Variants in SYT14 observed in about 807,000 individuals in gnomAD.
SYT14 encodes synaptotagmin-14.
Under a neutral mutation model 74.2 loss-of-function variants are expected in SYT14, and 32 were observed. That is an observed-to-expected ratio of 0.43 (90% CI 0.33 to 0.58). SYT14 has a LOEUF of 0.58. Among genes scored for constraint, SYT14 ranks in the 20% least tolerant of loss-of-function variants. SYT14 has a pLI of 0.05. For missense variants in SYT14, 791 were observed against 981.8 expected, an observed-to-expected ratio of 0.81 and a Z score of 2.60; for synonymous variants, 298 against 337.7, an observed-to-expected ratio of 0.88 and a Z score of 1.29.
At chr1:210,033,585 T>C (rs2102999774) in intron 5 of SYT14, among the ~76,000 whole-genome samples, 1 of 151,842 alleles carries the variant, frequency 6.6e-6, no homozygotes, top group Non-Finnish European at 1.5e-5. Context: ...AGGGTAAAGA[T>C]TTTCCTAGAA....
chr1:210,093,245 TTTATC>T (rs1169307058), intron 5 of SYT14, among the ~76,000 whole-genome samples: 1 of 152,186 alleles, frequency 6.6e-6, no homozygotes, highest in Non-Finnish European at 1.5e-5. Flanking sequence ...TATGTAACTT[TTTATC>T]TTAGGAAGAA....
chr1:210,077,982 AAAC>A (rs2081536744), intron 5 of SYT14, among the ~76,000 whole-genome samples: 1 of 152,162 alleles, frequency 6.6e-6, no homozygotes, highest in South Asian at 2.1e-4. Flanking sequence ...TTGATGTTGG[AAAC>A]AACATTATAG....
At chr1:210,043,948 T>C (rs2080840747) in intron 5 of SYT14, among the ~76,000 whole-genome samples, 1 of 152,330 alleles carries the variant, frequency 6.6e-6, no homozygotes, top group South Asian at 2.1e-4. Context: ...ATTTCTGTAA[T>C]ATGGGCATGG....
intron 1 of SYT14, among the ~76,000 whole-genome samples, chr1:209,946,107 ATGT>A (rs1476381806): frequency 2.6e-5 from 4 of 152,310 alleles, no homozygotes; most frequent in Middle Eastern, 3.4e-3. Flanking sequence ...TAGTTGATAA[ATGT>A]TGTGTGTGTT....
At chr1:210,163,471 C>G (rs150180335) in exon 10 of SYT14, 8 of 453,666 alleles carry the variant, frequency 1.8e-5, no homozygotes, top group African/African-American at 1.6e-4. Flanking sequence ...CACACATGCA[C>G]CATTACACAT....
chr1:209,939,236 G>A lies in SYT14; in HGVS notation c.-534+959G>A, dbSNP rs373588760. ...TCTTAGATTAACTCAAACAGTGAAA[G>A]TAATTTGTAAATTTTCCCTGTGTGT... On this transcript the variant is annotated intron_variant, in intron 1 of 9. Transcript: ENST00000637265. 9.8e-5 allele frequency among the ~76,000 whole-genome samples: 15 copies of A among 152,322 alleles called. No individual in the cohort carries two copies. In the East Asian group the frequency reaches 2.7e-3, roughly 27 times the overall value.
At chr1:209,970,662 C>CTTTTTTTTTTTTTTTTTTTTTTT (rs35639848) in intron 2 of SYT14, among the ~76,000 whole-genome samples, 1 of 62,810 alleles carries the variant, frequency 1.6e-5, no homozygotes, top group Middle Eastern at 0.011. Flanking sequence ...GGCAGTATGG[C>CTTTTTTTTTTTTTTTTTTTTTTT]TTTTTTTTTT....
intron 5 of SYT14, among the ~76,000 whole-genome samples, chr1:210,031,718 T>C (rs1027567202): frequency 6.6e-6 from 1 of 152,154 alleles, no homozygotes; most frequent in African/African-American, 2.4e-5. Context: ...TCCTTTGTTA[T>C]CCTTTAATAT....
chr1:210,013,579 T>C (rs2080126426), intron 2 of SYT14, 54 bp from the exon 3 acceptor site: 1 of 1,545,036 alleles, frequency 6.5e-7, no homozygotes, highest in Non-Finnish European at 8.8e-7. Flanking sequence ...TTCCTTCTTA[T>C]TTGTAGCTTA....
chr1:210,008,016 G>T (rs2080020339), intron 2 of SYT14, among the ~76,000 whole-genome samples: 1 of 152,168 alleles, frequency 6.6e-6, no homozygotes, highest in Non-Finnish European at 1.5e-5. Flanking sequence ...TTCAAATACA[G>T]ACTGTGTCAC....
chr1:210,138,079 A>C (rs1406445508), intron 7 of SYT14, among the ~76,000 whole-genome samples: 1 of 152,188 alleles, frequency 6.6e-6, no homozygotes, highest in African/African-American at 2.4e-5. Context: ...TTACATGTTA[A>C]CTCACTGTAT....
intron 2 of SYT14, among the ~76,000 whole-genome samples, chr1:209,989,714 G>A (rs1386659382): frequency 8.6e-5 from 13 of 151,994 alleles, no homozygotes; most frequent in Non-Finnish European, 1.9e-4. Flanking sequence ...CATGTCAGGG[G>A]AATTATAGTA....
intron 7 of SYT14, among the ~76,000 whole-genome samples, chr1:210,133,552 G>T (rs761440790): frequency 1.3e-5 from 2 of 152,170 alleles, no homozygotes; most frequent in African/African-American, 4.8e-5. Flanking sequence ...GCCAGTAATG[G>T]TGAATCTGAT....
intron 1 of SYT14, among the ~76,000 whole-genome samples, chr1:209,950,300 A>G (rs933178611): frequency 6.6e-6 from 1 of 152,200 alleles, no homozygotes; most frequent in Non-Finnish European, 1.5e-5. Flanking sequence ...CAATATATTA[A>G]TACATTATAG....
At position 209,963,006 on chromosome 1, in the gene SYT14, G is replaced by GT. The variant is rs2079100399; in HGVS notation, c.-486+10255dup. ...AACTTCAGAAATTTAAAGCCTGTTT[G>GT]TTTTTCCTAACCCTTCTGCATTATT... On this transcript the variant is annotated intron_variant, in intron 2 of 9. Coordinates refer to ENST00000637265, the Ensembl canonical transcript of SYT14. Among the ~76,000 whole-genome samples the GT allele has an allele frequency of 2.0e-5, 3 of 152,040 alleles. No homozygotes were observed. The South Asian group carries it at 6.2e-4, about 32-fold the overall frequency.
chr1:210,054,725 A>C (rs2081064872), intron 5 of SYT14, among the ~76,000 whole-genome samples: 1 of 152,040 alleles, frequency 6.6e-6, no homozygotes, highest in South Asian at 2.1e-4. Flanking sequence ...AGGCCCCTTA[A>C]TTTTTCGGAA....
chr1:209,965,877 CTT>C (rs752741374), intron 2 of SYT14: 700 of 397,712 alleles, frequency 1.8e-3, no homozygotes, highest in Admixed American at 2.9e-3. Context: ...TTTTGAACTT[CTT>C]TTTTTTTTTT....
At chr1:210,075,732 C>T (rs2081487961) in intron 5 of SYT14, among the ~76,000 whole-genome samples, 1 of 152,128 alleles carries the variant, frequency 6.6e-6, no homozygotes, top group African/African-American at 2.4e-5. Context: ...TACCTGTCCT[C>T]ACCTAGGTCT....
At chr1:210,142,876 T>G (rs958743867) in intron 7 of SYT14, among the ~76,000 whole-genome samples, 3 of 152,208 alleles carry the variant, frequency 2.0e-5, no homozygotes, top group Non-Finnish European at 4.4e-5. Context: ...AATATAGTGA[T>G]CTATTTTTAA....
Sources: gnomAD v4.1 joint callset for allele counts (sites outside exome capture counted in the v4.1 genomes callset) on GRCh38, gnomAD v4.1.1 for gene constraint, MANE v1.5 for transcripts, NCBI Gene and HGNC (gene_info 2026-07-23, HGNC 2026-07-21) for gene names.